Variants in KIAA1671 observed in about 807,000 individuals in gnomAD.
The protein encoded by KIAA1671 is KIAA1671.
KIAA1671 carries 52 observed loss-of-function variants against 131.2 expected under a neutral mutation model. The observed-to-expected ratio is 0.40, with a 90% CI of 0.32 to 0.50. KIAA1671 has a LOEUF of 0.50. Ranked by LOEUF, KIAA1671 falls within the 20% of genes least tolerant of loss-of-function variation. KIAA1671 has a pLI of 0.73. For synonymous variants in KIAA1671, 1,003 were observed against 961.6 expected (o/e 1.04, Z -0.80); for missense variants, 2,360 against 2,364.2 (o/e 1.00, Z 0.04).
chr22:25,168,655 T>C (rs1933730862), intron 6 of KIAA1671, among the ~76,000 whole-genome samples: 2 of 151,304 alleles, frequency 1.3e-5, no homozygotes, highest in South Asian at 4.2e-4. Context: ...ATTGCACCAC[T>C]GCACTCCAGC....
rs188364542 is a variant in KIAA1671 at position 25,103,603 on chromosome 22, C to T, written c.4530+54239C>T. ...TCTATCTCCTGACCTCGTGATCTGCCTGCCTCAGCCTCCCAAAGTGCTGGG... is the reference window on the plus strand; with the variant it reads ...TCTATCTCCTGACCTCGTGATCTGCTTGCCTCAGCCTCCCAAAGTGCTGGG... On this transcript the variant is annotated intron_variant, in intron 6 of 12. Coordinates refer to ENST00000358431, the MANE Select transcript of KIAA1671 (RefSeq NM_001145206.2). 2.1e-4 allele frequency among the ~76,000 whole-genome samples: 32 copies of T among 152,354 alleles called. No individual in the cohort carries two copies. The East Asian group carries it at 5.8e-3, about 28-fold the overall frequency.
intron 11 of KIAA1671, among the ~76,000 whole-genome samples, chr22:25,189,516 G>A (rs969380729): frequency 1.3e-5 from 2 of 152,104 alleles, no homozygotes; most frequent in African/African-American, 4.8e-5. Context: ...AGTAGATGAG[G>A]CCCTTTTATA....
intron 6 of KIAA1671, among the ~76,000 whole-genome samples, chr22:25,092,758 A>G (rs1433485858): frequency 3.3e-5 from 5 of 152,208 alleles, no homozygotes; most frequent in African/African-American, 1.2e-4. Context: ...CCCGAATAAC[A>G]GGCGAGTGGT....
chr22:25,031,272 C>T (rs1249882888), intron 3 of KIAA1671, among the ~76,000 whole-genome samples: 2 of 150,376 alleles, frequency 1.3e-5, no homozygotes, highest in African/African-American at 2.5e-5. Context: ...TCTTGGCTCG[C>T]TGCAAGCTCC....
intron 6 of KIAA1671, chr22:25,063,243 A>T (rs1157463212): frequency 6.6e-6 from 1 of 152,160 alleles, no homozygotes; most frequent in Non-Finnish European, 1.5e-5. Context: ...TTTCTTATAG[A>T]GGAGTGTTGT....
rs1934070170 is a variant in KIAA1671 at position 25,177,363 on chromosome 22, G to A, written c.4915G>A (p.Asp1639Asn). 1 of 1,550,418 alleles carries A rather than the reference G, an allele frequency of 6.4e-7. No homozygotes were observed. The highest frequency in any genetic ancestry group is 1.2e-5 in the South Asian group (1 of 83,956). Residue 1639 changes from aspartate to asparagine, a missense_variant, in exon 9 of 13, where the codon GAC becomes AAC. Transcript: ENST00000358431. Reference sequence around the variant, plus strand: ...GCTCCCAAAGCAAACCTCAGTCCTCGACTCAAGTGCCCTCAAGACCCGGGT... The same window carrying A: ...GCTCCCAAAGCAAACCTCAGTCCTCAACTCAAGTGCCCTCAAGACCCGGGT... ...FSFIDQTSVL[D>N]SSALKTRVQL...
chr22:25,125,431 A>G (rs1188410974), intron 6 of KIAA1671, among the ~76,000 whole-genome samples: 2 of 152,190 alleles, frequency 1.3e-5, no homozygotes, highest in Middle Eastern at 3.2e-3. Context: ...CCTAGTTCAT[A>G]GTCGACCAAG....
At chr22:25,129,717 G>A (rs941096209) in intron 6 of KIAA1671, among the ~76,000 whole-genome samples, 1 of 150,564 alleles carries the variant, frequency 6.6e-6, no homozygotes, top group Admixed American at 6.6e-5. Flanking sequence ...GAGTGCAGTG[G>A]CATGATCTTA....
intron 6 of KIAA1671, among the ~76,000 whole-genome samples, chr22:25,076,218 T>C (rs1380087580): frequency 1.3e-5 from 2 of 152,114 alleles, no homozygotes; most frequent in Non-Finnish European, 2.9e-5. Flanking sequence ...ACTGGTTTCA[T>C]TTACTTTGGA....
At chr22:25,034,931 G>A (rs1322496310) in intron 4 of KIAA1671, among the ~76,000 whole-genome samples, 2 of 151,348 alleles carry the variant, frequency 1.3e-5, no homozygotes, top group Non-Finnish European at 2.9e-5. Context: ...TAGAGATGGG[G>A]TTTCACCGTG....
At chr22:25,148,648 C>A (rs1932939266) in intron 6 of KIAA1671, among the ~76,000 whole-genome samples, 1 of 152,174 alleles carries the variant, frequency 6.6e-6, no homozygotes, top group South Asian at 2.1e-4. Flanking sequence ...CCAACTGGCA[C>A]CACGAGGGAC....
intron 6 of KIAA1671, among the ~76,000 whole-genome samples, chr22:25,122,745 C>T (rs560604252): frequency 1.3e-4 from 20 of 152,252 alleles, no homozygotes; most frequent in African/African-American, 3.9e-4. Flanking sequence ...GAGGCCGAGG[C>T]GGGCCGATCA....
chr22:25,171,576 G>T (rs1012977538), intron 7 of KIAA1671, among the ~76,000 whole-genome samples: 1 of 152,104 alleles, frequency 6.6e-6, no homozygotes, highest in East Asian at 1.9e-4. Flanking sequence ...TTAGCTGGGT[G>T]TGGTGGTGGG....
intron 6 of KIAA1671, among the ~76,000 whole-genome samples, chr22:25,097,704 C>T (rs904823754): frequency 6.6e-6 from 1 of 151,214 alleles, no homozygotes; most frequent in Non-Finnish European, 1.5e-5. Context: ...CGCGCCATTG[C>T]ACTCCAGCCT....
intron 9 of KIAA1671, among the ~76,000 whole-genome samples, chr22:25,178,847 C>T (rs1934144944): frequency 6.6e-6 from 1 of 152,200 alleles, no homozygotes; most frequent in Non-Finnish European, 1.5e-5. Context: ...CACCCGCCTC[C>T]CCCGTTGCCC....
chr22:25,106,199 T>G (rs1424515720), intron 6 of KIAA1671, among the ~76,000 whole-genome samples: 1 of 152,182 alleles, frequency 6.6e-6, no homozygotes, highest in African/African-American at 2.4e-5. Context: ...CAGATGTGGT[T>G]TCAGCTGAGC....
intron 1 of KIAA1671, among the ~76,000 whole-genome samples, chr22:24,963,608 T>C (rs1328138331): frequency 1.3e-5 from 2 of 152,074 alleles, no homozygotes; most frequent in African/African-American, 2.4e-5. Flanking sequence ...CCTTGACCTG[T>C]GCGCTGGCTT....
intron 6 of KIAA1671, among the ~76,000 whole-genome samples, chr22:25,072,226 C>T (rs1928869255): frequency 6.6e-6 from 1 of 152,172 alleles, no homozygotes; most frequent in Admixed American, 6.5e-5. Flanking sequence ...ATGCCCTCAG[C>T]CTCCTAGGGG....
At chr22:25,130,928 A>G (rs543041046) in intron 6 of KIAA1671, among the ~76,000 whole-genome samples, 1 of 152,310 alleles carries the variant, frequency 6.6e-6, no homozygotes, top group South Asian at 2.1e-4. Flanking sequence ...CCCCAAACCA[A>G]GGTTGCTCCT....
Sources: gnomAD v4.1 joint callset for allele counts (sites outside exome capture counted in the v4.1 genomes callset) on GRCh38, gnomAD v4.1.1 for gene constraint, MANE v1.5 for transcripts, NCBI Gene and HGNC (gene_info 2026-07-23, HGNC 2026-07-21) for gene names.